RDX: variants seen among roughly 807,000 people sequenced by gnomAD.
RDX encodes the protein deafness, autosomal recessive 24.
A neutral mutation model predicts 83.7 loss-of-function variants in RDX; 32 were observed. The ratio of observed to expected loss-of-function variants is 0.38; its 90% CI spans 0.29 to 0.51. RDX has a LOEUF of 0.51. Ranked by LOEUF, RDX falls within the 20% of genes least tolerant of loss-of-function variation. The pLI is 0.87. For missense variants in RDX, 600 were observed against 689.9 expected, an observed-to-expected ratio of 0.87 and a Z score of 1.46; for synonymous variants, 229 against 222.7, an observed-to-expected ratio of 1.03 and a Z score of -0.25.
At chr11:110,258,637 A>T (rs1259715239) in intron 5 of RDX, among the ~76,000 whole-genome samples, 3 of 152,210 alleles carry the variant, frequency 2.0e-5, no homozygotes, top group South Asian at 2.1e-4. Flanking sequence ...AACATTAGAT[A>T]AAAAAATGGC....
At chr11:110,266,774 G>A (rs1418184333) in intron 3 of RDX, among the ~76,000 whole-genome samples, 1 of 152,010 alleles carries the variant, frequency 6.6e-6, no homozygotes, top group African/African-American at 2.4e-5. Flanking sequence ...TTCTGTAGAG[G>A]CAGGGGTCTT....
intron 2 of RDX, among the ~76,000 whole-genome samples, chr11:110,273,837 C>T (rs769409008): frequency 6.6e-6 from 1 of 152,194 alleles, no homozygotes; most frequent in African/African-American, 2.4e-5. Context: ...CCAGTATAAA[C>T]CTGTAGCGAT....
At chr11:110,201,904 T>TGC (rs1491556458) in intron 14 of RDX, among the ~76,000 whole-genome samples, 1 of 3,150 alleles carries the variant, frequency 3.2e-4, no homozygotes, top group Non-Finnish European at 5.7e-4. Context: ...CGGCTAATTT[T>TGC]GTGTGTGTGT....
At chr11:110,223,082 G>A (rs11213318) in intron 14 of RDX, among the ~76,000 whole-genome samples, 6,158 of 152,212 alleles carry the variant, frequency 0.04, 420 homozygotes, top group African/African-American at 0.14. Context: ...TGGGCACGGT[G>A]GCTCACACCT....
chr11:110,241,260 G>A (rs1220620145), intron 10 of RDX, among the ~76,000 whole-genome samples: 2 of 151,954 alleles, frequency 1.3e-5, no homozygotes, highest in Admixed American at 1.3e-4. Flanking sequence ...CTAAAATTCA[G>A]ATAATCAAGC....
At chr11:110,258,990 A>G (rs534418188) in intron 5 of RDX, among the ~76,000 whole-genome samples, 24 of 145,380 alleles carry the variant, frequency 1.7e-4, no homozygotes, top group Admixed American at 2.8e-4. Context: ...TCCTGTCTCA[A>G]CCTCCCAAGT....
downstream of RDX, among the ~76,000 whole-genome samples, chr11:110,225,634 A>G (rs1340248768): frequency 1.3e-5 from 2 of 152,220 alleles, no homozygotes; most frequent in Non-Finnish European, 2.9e-5. Context: ...CAAACAAACA[A>G]AAAACCCAGA....
At chr11:110,266,845 C>T (rs1860070283) in intron 3 of RDX, among the ~76,000 whole-genome samples, 2 of 152,098 alleles carry the variant, frequency 1.3e-5, no homozygotes, top group South Asian at 2.1e-4. Context: ...ACTTCAGCCT[C>T]TCAAAATGCT....
chr11:110,288,132 A>G (rs1861060982), intron 1 of RDX, among the ~76,000 whole-genome samples: 1 of 152,210 alleles, frequency 6.6e-6, no homozygotes, highest in South Asian at 2.1e-4. Context: ...CTCATGTAGA[A>G]ATGATTTCTG....
At chr11:110,176,377 T>C (rs1862774456) in intron 15 of RDX, among the ~76,000 whole-genome samples, 1 of 152,134 alleles carries the variant, frequency 6.6e-6, no homozygotes, top group South Asian at 2.1e-4. Flanking sequence ...CACCAGCTTT[T>C]ACAAACCCCA....
intron 14 of RDX, among the ~76,000 whole-genome samples, chr11:110,222,283 C>A (rs575004607): frequency 6.6e-6 from 1 of 152,146 alleles, no homozygotes; most frequent in East Asian, 1.9e-4. Flanking sequence ...ATACCTTAAC[C>A]TCCTGTAAAG....
intron 15 of RDX, among the ~76,000 whole-genome samples, chr11:110,191,361 G>A (rs1410952761): frequency 2.0e-5 from 3 of 152,178 alleles, no homozygotes; most frequent in Non-Finnish European, 4.4e-5. Context: ...AAAATCTTTT[G>A]ATAAAATCCA....
At chr11:110,211,696 AACT>A (rs1215609439) in intron 14 of RDX, among the ~76,000 whole-genome samples, 2 of 144,692 alleles carry the variant, frequency 1.4e-5, no homozygotes, top group African/African-American at 5.1e-5. Context: ...AAAACCACTC[AACT>A]ACATGGAAAC....
At chr11:110,191,163 C>G (rs1412218960) in intron 15 of RDX, among the ~76,000 whole-genome samples, 1 of 152,132 alleles carries the variant, frequency 6.6e-6, no homozygotes. Flanking sequence ...GACTAATATC[C>G]CTGATGAACA....
chr11:110,256,195 G>A (rs1423859350), intron 7 of RDX, among the ~76,000 whole-genome samples: 3 of 152,156 alleles, frequency 2.0e-5, no homozygotes, highest in African/African-American at 7.2e-5. Flanking sequence ...ATACTGGCCA[G>A]AAGACATCTT....
At chr11:110,199,636 G>A in exon 15 of RDX, 1 of 703,048 alleles carries the variant, frequency 1.4e-6, no homozygotes. Flanking sequence ...TGCTGCTTTG[G>A]CAAGAGCGCA....
At chr11:110,254,732 C>G (rs1859476362) in intron 8 of RDX, among the ~76,000 whole-genome samples, 1 of 152,126 alleles carries the variant, frequency 6.6e-6, no homozygotes, top group African/African-American at 2.4e-5. Flanking sequence ...CCTCTCGAGC[C>G]TCCCAAAGTG....
chr11:110,187,367 T>A (rs924511160), intron 15 of RDX, among the ~76,000 whole-genome samples: 3 of 152,196 alleles, frequency 2.0e-5, no homozygotes, highest in Non-Finnish European at 4.4e-5. Context: ...ATGGAGTTTG[T>A]GGTGCAGGAG....
At chr11:110,179,126 C>A (rs1361598405) in intron 15 of RDX, among the ~76,000 whole-genome samples, 2 of 152,136 alleles carry the variant, frequency 1.3e-5, no homozygotes. Flanking sequence ...AATGGCCATC[C>A]CAGGAGAACT....
Sources: allele counts gnomAD v4.1 joint callset (sites outside exome capture counted in the v4.1 genomes callset), GRCh38; gene constraint gnomAD v4.1.1; transcripts MANE v1.5; gene names NCBI Gene and HGNC (gene_info 2026-07-23, HGNC 2026-07-21).